SLC12A1: variants seen among roughly 807,000 people sequenced by gnomAD.
The protein encoded by SLC12A1 is Na-K-2Cl cotransporter.
Under a neutral mutation model 130.4 loss-of-function variants are expected in SLC12A1, and 89 were observed. That is an observed-to-expected ratio of 0.68 (90% confidence interval 0.58 to 0.81). SLC12A1 has a LOEUF of 0.81. SLC12A1 is among the 40% of genes least tolerant of loss of function. The probability of loss-of-function intolerance (pLI) is 0.00; values close to 1 mark genes in which losing one functional copy is unlikely to be tolerated. For missense variants in SLC12A1, 1,310 were observed against 1,336.4 expected (o/e 0.98, Z 0.31); for synonymous variants, 499 against 460.0 (o/e 1.08, Z -1.09).
In SLC12A1 at chr15:48,234,932, C is replaced by A. The variant is rs1326200738; in HGVS notation, c.1143C>A (p.Phe381Leu). Reference sequence around the variant, plus strand: ...GCTTCACAAAGGGTGAAGGCTTCTTCTCTGTCTTTGCCATTTTTTTCCCAG... The same window carrying A: ...GCTTCACAAAGGGTGAAGGCTTCTTATCTGTCTTTGCCATTTTTTTCCCAG... Reference protein sequence around the residue: ...GPRFTKGEGFFSVFAIFFPAA... With the variant: ...GPRFTKGEGFLSVFAIFFPAA... The change falls in exon 9 of 27, where the codon TTC becomes TTA. Residue 381 changes from phenylalanine to leucine, a missense_variant. Phe to Leu is a conservative substitution (Grantham distance 22, BLOSUM62 0). Coordinates refer to ENST00000380993, the MANE Select transcript of SLC12A1 (RefSeq NM_000338.3). 1 of 1,613,824 alleles carries A rather than the reference C, an allele frequency of 6.2e-7. No homozygotes were observed. Among genetic ancestry groups the A allele is most frequent in the Admixed American group, 1.7e-5 (1 of 60,028 alleles).
chr15:48,265,000 A>T (rs1343215836), intron 17 of SLC12A1, among the ~76,000 whole-genome samples: 2 of 152,170 alleles, frequency 1.3e-5, no homozygotes, highest in Non-Finnish European at 2.9e-5. Flanking sequence ...TCCCAACTGA[A>T]GCTAATCTCT....
chr15:48,293,640 A>G (rs538368874), intron 24 of SLC12A1, among the ~76,000 whole-genome samples: 65 of 152,294 alleles, frequency 4.3e-4, no homozygotes, highest in Non-Finnish European at 5.6e-4. Flanking sequence ...CTAACTGAAA[A>G]TTATTCCAAT....
rs763341302 is a variant in SLC12A1, at chr15:48,208,060, A to G, written c.341A>G (p.Tyr114Cys). Residue 114 changes from tyrosine (Y) to cysteine (C), a missense_variant, in exon 2 of 27, where the codon TAC (tyrosine) becomes TGC (cysteine). Transcript: ENST00000380993. ...NTMDAVPKIE[Y>C]YRNTGSISGP... ...ATGGATGCCGTTCCCAAGATAGAGT[A>G]CTATCGTAACACCGGCAGCATCAGT... The G allele has an allele frequency of 1.1e-5, 17 of 1,613,910 alleles. No individual in the cohort carries two copies. Among genetic ancestry groups the G allele is most frequent in the Non-Finnish European group, 1.4e-5 (17 of 1,179,844 alleles).
At chr15:48,229,541 C>T (rs561932478) in intron 6 of SLC12A1, among the ~76,000 whole-genome samples, 2 of 152,234 alleles carry the variant, frequency 1.3e-5, no homozygotes, top group South Asian at 2.1e-4. Flanking sequence ...TCTATTCTTC[C>T]GAACTTTGTT....
At chr15:48,251,549 C>G (rs903939536) in intron 14 of SLC12A1, 66 bp from the exon 15 acceptor site, 1 of 1,273,394 alleles carries the variant, frequency 7.9e-7, no homozygotes, top group South Asian at 1.2e-5. Context: ...TACCTGCATT[C>G]TTCTAATATT....
chr15:48,222,434 A>G (rs1437258668), intron 4 of SLC12A1: 1 of 152,104 alleles, frequency 6.6e-6, no homozygotes, highest in Non-Finnish European at 1.5e-5. Flanking sequence ...TCTGCTAAAC[A>G]GTTTATTATG....
rs1414597221 is a variant in SLC12A1, at chr15:48,229,174, C to T, written c.725-15C>T. On this transcript the variant is annotated splice_polypyrimidine_tract_variant and intron_variant, in intron 5 of 26. Transcript: ENST00000380993. ...GCAGTTCCTCAATGTGAAGTATGTT[C>T]ATTTCTTGTTTCAGGTGGGGCCTAC... The T allele has an allele frequency of 1.9e-6, 3 of 1,578,962 alleles. No individual in the cohort carries two copies. In the South Asian group the frequency reaches 3.5e-5, roughly 18 times the overall value.
At chr15:48,220,168 TAGA>T (rs2041190976) in intron 2 of SLC12A1, among the ~76,000 whole-genome samples, 1 of 147,964 alleles carries the variant, frequency 6.8e-6, no homozygotes, top group Non-Finnish European at 1.5e-5. Context: ...GATAGATAGA[TAGA>T]TAGATAGATA....
Position 48,245,585 on chromosome 15 carries a change from G to A in SLC12A1, c.1452+681G>A, listed in dbSNP as rs2041569110. On this transcript the variant is annotated intron_variant, in intron 11 of 26. Transcript: ENST00000380993. ...GGCCTCTAGCTGCATCCACGTTGCT[G>A]CAAAGGACACGATTTTATTCTTTTT... Among the ~76,000 whole-genome samples the A allele has an allele frequency of 2.0e-5, 3 of 152,306 alleles. No homozygotes were observed. The South Asian group carries it at 6.2e-4, about 32-fold the overall frequency.
rs143141941 is a variant in SLC12A1, at chr15:48,207,925, G to T, written c.206G>T (p.Cys69Phe). 221 of 1,613,992 alleles carry T rather than the reference G, an allele frequency of 1.4e-4. No homozygotes were observed. In the African/African-American group the frequency reaches 2.8e-3, roughly 21 times the overall value. ...RISFRPGNQE[C>F]YDNFLQSGET... Reference sequence around the variant, plus strand: ...AGCTTTAGGCCTGGGAATCAGGAGTGCTATGACAATTTCCTCCAAAGTGGA... The same window carrying T: ...AGCTTTAGGCCTGGGAATCAGGAGTTCTATGACAATTTCCTCCAAAGTGGA... Residue 69 changes from cysteine (C) to phenylalanine (F), a missense_variant, in exon 2 of 27, where the codon TGC becomes TTC. Physicochemically the swap from Cys to Phe is radical, Grantham distance 205. Coordinates refer to ENST00000380993, the MANE Select transcript of SLC12A1 (RefSeq NM_000338.3).
At chr15:48,238,557 G>A (rs906700595) in intron 9 of SLC12A1, among the ~76,000 whole-genome samples, 2 of 152,184 alleles carry the variant, frequency 1.3e-5, no homozygotes, top group African/African-American at 4.8e-5. Flanking sequence ...GCCTTGAGAA[G>A]TAGTAACGTG....
At chr15:48,216,576 A>G (rs1227113136) in intron 2 of SLC12A1, among the ~76,000 whole-genome samples, 1 of 152,192 alleles carries the variant, frequency 6.6e-6, no homozygotes, top group Admixed American at 6.5e-5. Flanking sequence ...TCCCCAATTA[A>G]TCTACACAAA....
Position 48,286,212 on chromosome 15 carries a change from A to T in SLC12A1, c.2629+963A>T, listed in dbSNP as rs141086730. Among the ~76,000 whole-genome samples, 744 of 152,292 alleles carry T rather than the reference A, an allele frequency of 4.9e-3. 8 individuals are homozygous for T. The highest frequency in any genetic ancestry group is 0.044 in the Middle Eastern group (13 of 294). ...GCCCAAGGACGAAATTTCACCTGTA[A>T]TATAATAGTTTTATATATCCACAGA... On this transcript the variant is annotated intron_variant, in intron 21 of 26. Transcript: ENST00000380993.
intron 15 of SLC12A1, among the ~76,000 whole-genome samples, chr15:48,254,040 A>G (rs1015173461): frequency 2.6e-5 from 4 of 152,100 alleles, no homozygotes; most frequent in African/African-American, 9.7e-5. Flanking sequence ...TCTGGATGCA[A>G]ATCCTTTAGT....
intron 20 of SLC12A1, among the ~76,000 whole-genome samples, chr15:48,279,397 C>A (rs370814803): frequency 6.6e-6 from 1 of 152,170 alleles, no homozygotes; most frequent in Non-Finnish European, 1.5e-5. Context: ...ATTCAGAGTG[C>A]CCATATACTG....
chr15:48,226,832 T>C, intron 5 of SLC12A1: 1 of 587,562 alleles, frequency 1.7e-6, no homozygotes, highest in Middle Eastern at 4.4e-4. Flanking sequence ...ACTTTTTCTT[T>C]TTCAGGCTAG....
chr15:48,255,755 TGGTG>T, intron 15 of SLC12A1, 52 bp from the exon 16 acceptor site: 1 of 1,069,750 alleles, frequency 9.3e-7, no homozygotes, highest in Non-Finnish European at 1.4e-6. Context: ...AAATTATTCA[TGGTG>T]CACAGAGGAA....
At chr15:48,288,322 G>A in intron 22 of SLC12A1, 83 bp from the exon 23 acceptor site, 1 of 1,054,694 alleles carries the variant, frequency 9.5e-7, no homozygotes, top group Non-Finnish European at 1.4e-6. Context: ...AGCTATCAAT[G>A]TGGTAATGAA....
intron 10 of SLC12A1, 93 bp from the exon 11 acceptor site, chr15:48,244,660 C>T: frequency 7.9e-7 from 1 of 1,271,120 alleles, no homozygotes; most frequent in East Asian, 2.4e-5. Flanking sequence ...AGAAATGGAC[C>T]TTTTCAGTCT....
Sources: gnomAD v4.1 joint callset for allele counts (sites outside exome capture counted in the v4.1 genomes callset) on GRCh38, gnomAD v4.1.1 for gene constraint, MANE v1.5 for transcripts, NCBI Gene and HGNC (gene_info 2026-07-23, HGNC 2026-07-21) for gene names.